GALNT13: variants seen among roughly 807,000 people sequenced by gnomAD.
The protein encoded by GALNT13 is polypeptide N-acetylgalactosaminyltransferase 13, also known as UDP-GalNAc:polypeptide N-acetylgalactosaminyltransferase 13.
Under a neutral mutation model 64.2 loss-of-function variants are expected in GALNT13, and 28 were observed. The ratio of observed to expected loss-of-function variants is 0.44; its 90% CI spans 0.32 to 0.60. GALNT13 has a LOEUF of 0.60. GALNT13 is among the 20% of genes least tolerant of loss of function. GALNT13 has a pLI of 0.05. For synonymous variants in GALNT13, 214 were observed against 224.6 expected (o/e 0.95, Z 0.42); for missense variants, 577 against 669.8 (o/e 0.86, Z 1.53).
chr2:154,193,881 T>G (rs1686733356), intron 4 of GALNT13, among the ~76,000 whole-genome samples: 1 of 152,218 alleles, frequency 6.6e-6, no homozygotes, highest in African/African-American at 2.4e-5. Context: ...CAGCCTATTT[T>G]GGAGGATTAC....
intron 12 of GALNT13, among the ~76,000 whole-genome samples, chr2:154,444,876 A>G (rs754112058): frequency 6.6e-6 from 1 of 152,062 alleles, no homozygotes; most frequent in Non-Finnish European, 1.5e-5. Context: ...GAAATAGTTT[A>G]TTTCTTAATA....
chr2:153,189,720 C>T, the GALNT13 span, among the ~76,000 whole-genome samples: 1 of 152,062 alleles, frequency 6.6e-6, no homozygotes, highest in Admixed American at 6.5e-5. Context: ...TCCACCAACA[C>T]TGAATAGGAG....
At chr2:153,119,557 T>G in the GALNT13 span, among the ~76,000 whole-genome samples, 15 of 152,340 alleles carry the variant, frequency 9.8e-5, no homozygotes, top group Non-Finnish European at 1.9e-4. Context: ...GCACTGTTAG[T>G]GCCCCAGATA....
At chr2:154,076,581 A>G (rs1342473085) in intron 3 of GALNT13, among the ~76,000 whole-genome samples, 1 of 151,628 alleles carries the variant, frequency 6.6e-6, no homozygotes, top group African/African-American at 2.4e-5. Context: ...TTATCCAGAA[A>G]AAGTTACCTA....
intron 9 of GALNT13, among the ~76,000 whole-genome samples, chr2:154,362,062 A>G (rs942083112): frequency 2.6e-5 from 4 of 152,024 alleles, no homozygotes; most frequent in African/African-American, 9.7e-5. Context: ...CACTTCAGAC[A>G]TAGAAGAGTA....
the GALNT13 span, among the ~76,000 whole-genome samples, chr2:153,368,246 A>G: frequency 0.032 from 4,834 of 152,232 alleles, 109 homozygotes; most frequent in Non-Finnish European, 0.049. Context: ...AATTAGGTTT[A>G]GATGAGGTCA....
the GALNT13 span, among the ~76,000 whole-genome samples, chr2:153,152,936 G>A: frequency 6.6e-6 from 1 of 152,140 alleles, no homozygotes; most frequent in African/African-American, 2.4e-5. Flanking sequence ...TAATGGGATT[G>A]CTGAGTCAAA....
the GALNT13 span, among the ~76,000 whole-genome samples, chr2:153,270,024 A>G: frequency 6.6e-6 from 1 of 152,164 alleles, no homozygotes; most frequent in South Asian, 2.1e-4. Flanking sequence ...GTTCCTTATA[A>G]AAAGACTTAA....
chr2:153,270,668 G>T, the GALNT13 span, among the ~76,000 whole-genome samples: 8,123 of 152,060 alleles, frequency 0.053, 768 homozygotes, highest in African/African-American at 0.18. Context: ...TGAGACCAGC[G>T]TGAGAAATCC....
the GALNT13 span, among the ~76,000 whole-genome samples, chr2:153,406,638 C>T: frequency 6.6e-6 from 1 of 152,130 alleles, no homozygotes; most frequent in Admixed American, 6.5e-5. Context: ...GAACTCCTGG[C>T]CTCAAGTGTT....
chr2:153,654,724 A>T, the GALNT13 span, among the ~76,000 whole-genome samples: 3 of 152,130 alleles, frequency 2.0e-5, no homozygotes, highest in African/African-American at 7.2e-5. Context: ...TATTATAAGT[A>T]ATCTAGAGAT....
At chr2:154,043,366 A>G (rs927104528) in intron 3 of GALNT13, among the ~76,000 whole-genome samples, 8 of 145,356 alleles carry the variant, frequency 5.5e-5, no homozygotes, top group African/African-American at 2.1e-4. Context: ...TTACTCTGAA[A>G]TATCAACATT....
chr2:154,418,166 C>T (rs1700103841), intron 11 of GALNT13, among the ~76,000 whole-genome samples: 2 of 152,058 alleles, frequency 1.3e-5, no homozygotes, highest in South Asian at 4.1e-4. Flanking sequence ...TTTAAAGTTA[C>T]ACAAGAGCCT....
At chr2:154,156,450 A>G (rs965667930) in intron 4 of GALNT13, among the ~76,000 whole-genome samples, 23 of 152,134 alleles carry the variant, frequency 1.5e-4, no homozygotes, top group African/African-American at 5.3e-4. Context: ...TTATGTGATA[A>G]TAGTAAATGT....
the GALNT13 span, among the ~76,000 whole-genome samples, chr2:153,489,260 C>G: frequency 0.012 from 1,877 of 152,260 alleles, 24 homozygotes; most frequent in African/African-American, 0.043. Context: ...TGCACATATA[C>G]TTCCTAAATC....
chr2:154,016,787 A>C (rs984939466), intron 3 of GALNT13, among the ~76,000 whole-genome samples: 1 of 152,222 alleles, frequency 6.6e-6, no homozygotes, highest in African/African-American at 2.4e-5. Context: ...AGAAAACTGA[A>C]CAACAATAAT....
intron 3 of GALNT13, among the ~76,000 whole-genome samples, chr2:154,035,838 A>C (rs1470744429): frequency 6.6e-6 from 1 of 152,056 alleles, no homozygotes. Context: ...TTATATTATG[A>C]ATATGGATTG....
chr2:153,762,673 G>T, the GALNT13 span: 1 of 152,228 alleles, frequency 6.6e-6, no homozygotes, highest in Non-Finnish European at 1.5e-5. Flanking sequence ...GTAGGATGAG[G>T]CCAGTGTGAG....
At chr2:153,888,150 C>G (rs1374595182) in intron 1 of GALNT13, among the ~76,000 whole-genome samples, 3 of 151,802 alleles carry the variant, frequency 2.0e-5, no homozygotes, top group African/African-American at 7.3e-5. Flanking sequence ...TTCATAATAA[C>G]TTGTGCAAAT....
Sources: allele counts gnomAD v4.1 joint callset (sites outside exome capture counted in the v4.1 genomes callset), GRCh38; gene constraint gnomAD v4.1.1; transcripts MANE v1.5; gene names NCBI Gene and HGNC (gene_info 2026-07-23, HGNC 2026-07-21).